PRKCB: variants seen among roughly 807,000 people sequenced by gnomAD.
PRKCB encodes the protein protein kinase C beta.
In PRKCB, 13 loss-of-function variants were observed where a neutral mutation model predicts 81.5. The ratio of observed to expected loss-of-function variants is 0.16; its 90% CI spans 0.10 to 0.25. The LOEUF (loss-of-function observed/expected upper bound fraction) is 0.25. Ranked by LOEUF, PRKCB falls within the 10% of genes least tolerant of loss-of-function variation. The pLI, the probability that PRKCB is intolerant of heterozygous loss-of-function variation, is 1.00. For missense variants in PRKCB, 509 were observed against 875.7 expected (o/e 0.58, Z 5.29); for synonymous variants, 335 against 321.4 (o/e 1.04, Z -0.45).
intron 2 of PRKCB, among the ~76,000 whole-genome samples, chr16:23,948,199 T>C (rs1964229644): frequency 6.6e-6 from 1 of 152,162 alleles, no homozygotes; most frequent in African/African-American, 2.4e-5. Flanking sequence ...GTAGTGCAGA[T>C]TGCCTGGTCT....
intron 2 of PRKCB, among the ~76,000 whole-genome samples, chr16:23,926,543 G>A (rs1055906150): frequency 6.6e-6 from 1 of 151,310 alleles, no homozygotes; most frequent in Middle Eastern, 3.4e-3. Flanking sequence ...TCTTTTTTAT[G>A]GCTGAGTAGT....
At chr16:23,839,459 AGAG>A (rs1962229452) in intron 2 of PRKCB, among the ~76,000 whole-genome samples, 1 of 152,094 alleles carries the variant, frequency 6.6e-6, no homozygotes, top group Non-Finnish European at 1.5e-5. Context: ...CAACTTTTGT[AGAG>A]AAGGGGTCTT....
chr16:23,943,331 C>G (rs184505726), intron 2 of PRKCB, among the ~76,000 whole-genome samples: 96 of 152,226 alleles, frequency 6.3e-4, no homozygotes, highest in African/African-American at 2.3e-3. Flanking sequence ...TCAAGACCAA[C>G]GTGGACAACA....
chr16:23,925,804 A>G (rs1225111470), intron 2 of PRKCB, among the ~76,000 whole-genome samples: 1 of 152,020 alleles, frequency 6.6e-6, no homozygotes, highest in Admixed American at 6.5e-5. Context: ...AAGAAGGATG[A>G]CTATTACTCA....
intron 5 of PRKCB, among the ~76,000 whole-genome samples, chr16:24,044,946 CTG>C (rs1358171408): frequency 6.6e-6 from 1 of 152,068 alleles, no homozygotes; most frequent in Non-Finnish European, 1.5e-5. Context: ...ATTTTATAAC[CTG>C]TGTGTGAAGA....
At chr16:24,111,976 G>T (rs398682) in intron 7 of PRKCB, among the ~76,000 whole-genome samples, 5 of 152,012 alleles carry the variant, frequency 3.3e-5, no homozygotes, top group Admixed American at 2.6e-4. Flanking sequence ...GAAAAACAGA[G>T]GCCCAGAGAG....
chr16:24,203,598 C>CACAAT, intron 16 of PRKCB, among the ~76,000 whole-genome samples: 1 of 152,108 alleles, frequency 6.6e-6, no homozygotes, highest in African/African-American at 2.4e-5. Context: ...CAGCCACTCC[C>CACAAT]AATAGAAATT....
intron 8 of PRKCB, among the ~76,000 whole-genome samples, chr16:24,116,725 C>A (rs73548435): frequency 0.044 from 6,718 of 152,316 alleles, 481 homozygotes; most frequent in African/African-American, 0.15. Context: ...TTCCAGAGAA[C>A]ACTTTCTGTC....
At chr16:24,170,356 G>A (rs1315846413) in intron 10 of PRKCB, among the ~76,000 whole-genome samples, 1 of 152,026 alleles carries the variant, frequency 6.6e-6, no homozygotes, top group East Asian at 1.9e-4. Context: ...AAAGAAAAAA[G>A]CCCACAGGCT....
At chr16:24,185,381 G>A in intron 14 of PRKCB, 79 bp from the exon 15 acceptor site, 1 of 1,364,360 alleles carries the variant, frequency 7.3e-7, no homozygotes, top group South Asian at 1.2e-5. Context: ...CCCCAGGGAG[G>A]AGGGTCTGCC....
intron 11 of PRKCB, among the ~76,000 whole-genome samples, chr16:24,173,078 G>A (rs972879632): frequency 8.6e-5 from 13 of 152,026 alleles, no homozygotes; most frequent in African/African-American, 2.7e-4. Context: ...CTTTGCCCAT[G>A]TTCTTTATCT....
At chr16:24,154,556 C>T (rs1246924702) in intron 9 of PRKCB, 128 bp from the exon 10 acceptor site, 5 of 802,872 alleles carry the variant, frequency 6.2e-6, no homozygotes, top group Non-Finnish European at 5.9e-6. Flanking sequence ...GAAAACATTA[C>T]CTGTTGTTTC....
Position 24,215,178 on chromosome 16 carries a change from T to C in PRKCB, c.*362T>C, listed in dbSNP as rs914173731. ...CCCCAACCATCCAATCTGTGGATAA[T>C]TGGATGTTAGCGGTACTCTTCCACT... is the stretch of plus-strand genomic sequence containing the variant. On this transcript the variant is annotated 3_prime_UTR_variant, in exon 17 of 17. Transcript: ENST00000643927. 1.9e-6 allele frequency: 2 copies of C among 1,038,608 alleles called. No homozygotes were observed. The highest frequency in any genetic ancestry group is 2.3e-6 in the Non-Finnish European group (2 of 861,694). The allele number at this position is 1,038,608 out of a possible 1,614,324, so 64.3% of individuals were successfully genotyped here. A position where few individuals can be genotyped will look rare whatever the true frequency, so the allele number is the denominator to read the frequency against.
chr16:24,162,651 C>T (rs1314589500), intron 10 of PRKCB, among the ~76,000 whole-genome samples: 1 of 151,884 alleles, frequency 6.6e-6, no homozygotes, highest in African/African-American at 2.4e-5. Context: ...GGGGTTGAGA[C>T]CTATGTTGCT....
At chr16:24,127,993 T>C (rs1390265375) in intron 9 of PRKCB, among the ~76,000 whole-genome samples, 1 of 152,144 alleles carries the variant, frequency 6.6e-6, no homozygotes, top group Non-Finnish European at 1.5e-5. Flanking sequence ...CTCTTCCCCT[T>C]CGAAAGATGA....
At chr16:23,917,529 A>G (rs1963759616) in intron 2 of PRKCB, among the ~76,000 whole-genome samples, 1 of 152,224 alleles carries the variant, frequency 6.6e-6, no homozygotes, top group Admixed American at 6.5e-5. Flanking sequence ...TGGAGGAAGG[A>G]TGTCCATTCG....
chr16:24,174,494 C>CTTTTTTTTTTTTTTTTTTTTTTT, intron 11 of PRKCB, 24 bp from the exon 12 acceptor site: 1 of 1,513,950 alleles, frequency 6.6e-7, no homozygotes, highest in Non-Finnish European at 9.0e-7. Flanking sequence ...TTCTCCATCG[C>CTTTTTTTTTTTTTTTTTTTTTTT]TTTTTTTTTT....
In PRKCB at chr16:24,055,111, G is replaced by A. The variant is rs1596530195; in HGVS notation, c.529+19564G>A. Among the ~76,000 whole-genome samples the A allele has an allele frequency of 2.6e-5, 4 of 152,234 alleles. No individual in the cohort carries two copies. In the East Asian group the frequency reaches 7.7e-4, roughly 29 times the overall value. ...AGATGCAAATGAGGGGCCCTCTTGG[G>A]CACAGGCCAGGAGGCCAGAGCTCTG... On this transcript the variant is annotated intron_variant, in intron 5 of 16. Coordinates refer to ENST00000643927, the MANE Select transcript of PRKCB (RefSeq NM_002738.7).
intron 2 of PRKCB, among the ~76,000 whole-genome samples, chr16:23,876,252 C>T (rs917301319): frequency 3.9e-5 from 6 of 152,158 alleles, no homozygotes; most frequent in East Asian, 1.9e-4. Context: ...CAATTATATA[C>T]GTAATTTTAC....
Sources: allele counts gnomAD v4.1 joint callset (sites outside exome capture counted in the v4.1 genomes callset), GRCh38; gene constraint gnomAD v4.1.1; transcripts MANE v1.5; gene names NCBI Gene and HGNC (gene_info 2026-07-23, HGNC 2026-07-21).